Variants in WSCD2 observed in about 807,000 individuals in gnomAD.
The protein encoded by WSCD2 is WSC domain sialate O sulfotransferase 2, also known as sialate:O-sulfotransferase 2.
Under a neutral mutation model 55.7 loss-of-function variants are expected in WSCD2, and 28 were observed. That is an observed-to-expected ratio of 0.50 (90% CI 0.37 to 0.69). The LOEUF (loss-of-function observed/expected upper bound fraction) is 0.69, where lower values mean the gene tolerates loss of function less well. Among genes scored for constraint, WSCD2 ranks in the 30% least tolerant of loss-of-function variants. The pLI is 0.00. For synonymous variants in WSCD2, 301 were observed against 301.9 expected (o/e 1.00, Z 0.03); for missense variants, 616 against 762.1 (o/e 0.81, Z 2.26).
chr12:108,164,161 T>TTTTTTTTTTTTTTTTTTTAG (rs1555224811), intron 1 of WSCD2, among the ~76,000 whole-genome samples: 1 of 146,086 alleles, frequency 6.8e-6, no homozygotes. Flanking sequence ...TTTTTTTTTT[T>TTTTTTTTTTTTTTTTTTTAG]TCAGAGAGGG....
At chr12:108,146,615 C>T (rs1209221882) in intron 1 of WSCD2, among the ~76,000 whole-genome samples, 1 of 152,194 alleles carries the variant, frequency 6.6e-6, no homozygotes, top group South Asian at 2.1e-4. Flanking sequence ...GGTGACAGGG[C>T]TGGGCAGGGA....
rs144706841 is a variant in WSCD2, at chr12:108,248,022, G to A, written c.1377G>A (p.Pro459=). ...EWPEFVRNYA[P]WWATHTLDWL... is the part of the protein sequence containing the mutation. ...CAGAGTTCGTGAGGAACTATGCCCCGTGGTGGGCCACTCACACACTGGACT... is the reference window on the plus strand; with the variant it reads ...CAGAGTTCGTGAGGAACTATGCCCCATGGTGGGCCACTCACACACTGGACT... The change falls in exon 9 of 9, where the codon CCG becomes CCA. Residue 459 remains proline, a synonymous_variant. Coordinates refer to ENST00000547525, the MANE Select transcript of WSCD2 (RefSeq NM_014653.4). This position sits in a 1 kb window ranked among gnomAD's most constrained non-coding sequence, Gnocchi z 4.3. 5,714 of 1,614,046 alleles carry A rather than the reference G, an allele frequency of 3.5e-3. 12 individuals are homozygous for A. Among genetic ancestry groups the A allele is most frequent in the Non-Finnish European group, 4.5e-3 (5,270 of 1,179,924 alleles).
intron 1 of WSCD2, among the ~76,000 whole-genome samples, chr12:108,130,640 C>T (rs184922968): frequency 4.6e-5 from 7 of 152,246 alleles, no homozygotes; most frequent in Non-Finnish European, 1.0e-4. Context: ...GGCAGAACCA[C>T]TAGGAAGGGT....
chr12:108,240,683 G>A lies in WSCD2; in HGVS notation c.1345+139G>A, dbSNP rs1889669030. The stretch of plus-strand genomic sequence containing the variant: ...AGGAACCCTGGAGGACATCCTGGAG[G>A]GCGCGTGTCATGCTCCAGTCCTTGC... On this transcript the variant is annotated intron_variant, in intron 8 of 8. Coordinates refer to ENST00000547525, the MANE Select transcript of WSCD2 (RefSeq NM_014653.4). The A allele has an allele frequency of 2.9e-6, 3 of 1,018,072 alleles. No individual in the cohort carries two copies. In the African/African-American group the frequency reaches 4.9e-5, roughly 16 times the overall value. The allele number at this position is 1,018,072 out of a possible 1,614,324, so 63.1% of individuals were successfully genotyped here. A position where few individuals can be genotyped will look rare whatever the true frequency, so the allele number is the denominator to read the frequency against.
At chr12:108,227,587 T>C (rs1418504236) in intron 6 of WSCD2, among the ~76,000 whole-genome samples, 1 of 152,228 alleles carries the variant, frequency 6.6e-6, no homozygotes, top group African/African-American at 2.4e-5. Flanking sequence ...TGTCATTTTA[T>C]CTATAAGTTC....
Position 108,190,431 on chromosome 12 carries a change from C to A in WSCD2, c.-551-4851C>A, listed in dbSNP as rs536447696. 5.3e-5 allele frequency among the ~76,000 whole-genome samples: 8 copies of A among 152,174 alleles called. No individual in the cohort carries two copies. The South Asian group carries it at 1.7e-3, about 32-fold the overall frequency. ...GTCCCTCCGAACTGCCTCTGCCCCCCAAGTCAGGTGCTGGGGATTACAGAG... is the reference window on the plus strand; with the variant it reads ...GTCCCTCCGAACTGCCTCTGCCCCCAAAGTCAGGTGCTGGGGATTACAGAG... On this transcript the variant is annotated intron_variant, in intron 1 of 8. Transcript: ENST00000547525.
At chr12:108,173,626 G>T (rs528857943) in intron 1 of WSCD2, among the ~76,000 whole-genome samples, 1 of 152,076 alleles carries the variant, frequency 6.6e-6, no homozygotes, top group Non-Finnish European at 1.5e-5. Flanking sequence ...TGGGGTAAGG[G>T]GATGCTGAAT....
chr12:108,229,547 T>A lies in WSCD2; in HGVS notation c.979+2383T>A, dbSNP rs1253960589. ...ATAATTGTGTAAGGTTTATTAGCCC[T>A]GTTTTATAGGTGAGGAAACTGAGGC... On this transcript the variant is annotated intron_variant, in intron 6 of 8. Transcript: ENST00000547525. Among the ~76,000 whole-genome samples, 3 of 152,320 alleles carry A rather than the reference T, an allele frequency of 2.0e-5. No individual in the cohort carries two copies. In the South Asian group the frequency reaches 6.2e-4, roughly 32 times the overall value.
chr12:108,142,937 A>G (rs539921868), intron 1 of WSCD2, among the ~76,000 whole-genome samples: 3 of 152,200 alleles, frequency 2.0e-5, no homozygotes, highest in Admixed American at 1.3e-4. Flanking sequence ...CAGCCTCCTT[A>G]GTAGCTGAGA....
intron 7 of WSCD2, among the ~76,000 whole-genome samples, chr12:108,234,920 C>T (rs1200139212): frequency 6.6e-6 from 1 of 152,076 alleles, no homozygotes; most frequent in Non-Finnish European, 1.5e-5. Context: ...CTTCTATTCT[C>T]TCTCTGAAAC....
chr12:108,180,330 G>A (rs1881553352), intron 1 of WSCD2, among the ~76,000 whole-genome samples: 1 of 152,208 alleles, frequency 6.6e-6, no homozygotes, highest in Non-Finnish European at 1.5e-5. Context: ...AGAATATTTG[G>A]CTCCCACTGA....
In WSCD2 at chr12:108,164,138, C is replaced by CTTTTTTTTT; in HGVS notation, c.-551-31144_-551-31143insTTTTTTTTT. ...TTTATACTGTTGTTTAATCTTAAAT[C>CTTTTTTTTT]CTTTTTTTTTTTTTTTTTTTTTTTC... On this transcript the variant is annotated intron_variant, in intron 1 of 8. Transcript: ENST00000547525. Among the ~76,000 whole-genome samples, 293 of 71,726 alleles carry CTTTTTTTTT rather than the reference C, an allele frequency of 4.1e-3. 120 individuals carry two copies. The highest frequency in any genetic ancestry group is 0.029 in the South Asian group (42 of 1,440). The allele number at this position is 71,726 out of a possible 152,430, so 47.1% of individuals were successfully genotyped here.
At chr12:108,145,473 T>C (rs543613563) in intron 1 of WSCD2, among the ~76,000 whole-genome samples, 26 of 152,196 alleles carry the variant, frequency 1.7e-4, no homozygotes, top group Non-Finnish European at 3.2e-4. Context: ...CTGCCACATA[T>C]GTACAACAAA....
intron 4 of WSCD2, among the ~76,000 whole-genome samples, chr12:108,223,000 C>G (rs1887699472): frequency 6.6e-6 from 1 of 152,202 alleles, no homozygotes; most frequent in Non-Finnish European, 1.5e-5. Context: ...TATGGCAGGC[C>G]AGCAGACTGG....
chr12:108,144,375 CGAGA>C (rs1439354879), intron 1 of WSCD2, among the ~76,000 whole-genome samples: 16 of 152,168 alleles, frequency 1.1e-4, no homozygotes, highest in African/African-American at 3.6e-4. Flanking sequence ...TGGAATTCAG[CGAGA>C]ATGGCTGCTT....
chr12:108,229,956 T>C (rs999122311), intron 6 of WSCD2, among the ~76,000 whole-genome samples: 3 of 152,120 alleles, frequency 2.0e-5, no homozygotes. Context: ...TTTTGTGACA[T>C]ACATTAACTT....
chr12:108,172,102 G>A (rs1880308407), intron 1 of WSCD2, among the ~76,000 whole-genome samples: 1 of 152,136 alleles, frequency 6.6e-6, no homozygotes, highest in South Asian at 2.1e-4. Flanking sequence ...GGCTGTCAGA[G>A]ACCTCTAAGA....
chr12:108,205,246 C>A (rs574574089), intron 2 of WSCD2, among the ~76,000 whole-genome samples: 2 of 152,328 alleles, frequency 1.3e-5, no homozygotes, highest in Admixed American at 1.3e-4. Flanking sequence ...AATTCTGAAT[C>A]CACACATATG....
intron 1 of WSCD2, among the ~76,000 whole-genome samples, chr12:108,161,418 A>C (rs901374623): frequency 4.6e-5 from 7 of 152,158 alleles, no homozygotes; most frequent in Admixed American, 1.3e-4. Context: ...AAAAGGGAAA[A>C]TTTGGACACA....
Sources: allele counts gnomAD v4.1 joint callset (sites outside exome capture counted in the v4.1 genomes callset), GRCh38; gene constraint gnomAD v4.1.1; non-coding constraint Gnocchi (gnomAD v3.1); transcripts MANE v1.5; gene names NCBI Gene and HGNC (gene_info 2026-07-23, HGNC 2026-07-21).